The following MAML3 variants were observed in gnomAD, a reference collection of about 807,000 sequenced individuals.
MAML3 encodes mastermind-like protein 3.
Under a neutral mutation model 101.9 loss-of-function variants are expected in MAML3, and 27 were observed. The ratio of observed to expected loss-of-function variants is 0.27; its 90% CI spans 0.20 to 0.37. The LOEUF (loss-of-function observed/expected upper bound fraction) is 0.37, where lower values mean the gene tolerates loss of function less well. Ranked by LOEUF, MAML3 falls within the 10% of genes least tolerant of loss-of-function variation. The pLI is 1.00. For missense variants in MAML3, 1,316 were observed against 1,444.9 expected, an observed-to-expected ratio of 0.91 and a Z score of 1.45; for synonymous variants, 501 against 555.9, an observed-to-expected ratio of 0.90 and a Z score of 1.39.
chr4:139,838,894 T>C (rs1731309133), intron 2 of MAML3, among the ~76,000 whole-genome samples: 1 of 152,224 alleles, frequency 6.6e-6, no homozygotes, highest in Non-Finnish European at 1.5e-5. Flanking sequence ...AATGGTGTTG[T>C]GGTTTGCTTG....
intron 1 of MAML3, among the ~76,000 whole-genome samples, chr4:139,896,947 T>C (rs1732627892): frequency 6.6e-6 from 1 of 152,188 alleles, no homozygotes; most frequent in Non-Finnish European, 1.5e-5. Flanking sequence ...ACCAGGCCTC[T>C]GCTGACACGG....
intron 1 of MAML3, among the ~76,000 whole-genome samples, chr4:140,044,992 A>C (rs1727155948): frequency 6.6e-6 from 1 of 152,248 alleles, no homozygotes; most frequent in Non-Finnish European, 1.5e-5. Context: ...GAAAAATCAA[A>C]GAAAAAAAGC....
At chr4:140,134,391 T>A (rs1179751732) in intron 1 of MAML3, 1 of 456,706 alleles carries the variant, frequency 2.2e-6, no homozygotes, top group Non-Finnish European at 4.4e-6. Context: ...CTGAATCACC[T>A]CCAGGGCACA....
intron 1 of MAML3, among the ~76,000 whole-genome samples, chr4:139,904,276 C>T (rs17051001): frequency 0.31 from 47,528 of 152,040 alleles, 9,017 homozygotes; most frequent in East Asian, 0.57. Context: ...TAATTTGGTT[C>T]GAACATGTCT....
intron 1 of MAML3, among the ~76,000 whole-genome samples, chr4:140,045,712 T>C (rs903702632): frequency 2.6e-5 from 4 of 152,214 alleles, no homozygotes; most frequent in African/African-American, 9.6e-5. Context: ...ACTGATTTCC[T>C]ATGATCCTGA....
At chr4:139,793,470 C>T (rs1401076396) in intron 2 of MAML3, among the ~76,000 whole-genome samples, 1 of 152,136 alleles carries the variant, frequency 6.6e-6, no homozygotes, top group Non-Finnish European at 1.5e-5. Context: ...GACACTCTCT[C>T]CCAAATCTTC....
intron 1 of MAML3, among the ~76,000 whole-genome samples, chr4:139,988,087 T>G (rs35808740): frequency 0.27 from 39,235 of 142,736 alleles, 6,439 homozygotes; most frequent in Non-Finnish European, 0.38. Flanking sequence ...AGCACTTTAG[T>G]AGGCCGAGGC....
rs570452642 is a variant in MAML3 at position 139,730,413 on chromosome 4, T to TA, written c.2331+2dup. On this transcript the variant is annotated splice_region_variant and intron_variant, in intron 3 of 4. Transcript: ENST00000509479. The stretch of plus-strand genomic sequence containing the variant: ...GAATGAATCACGCCAAGGGGCATGT[T>TA]ACCTGTTCCGCCAAAATCTGCTGCT... 1 of 1,541,202 alleles carries TA rather than the reference T, an allele frequency of 6.5e-7. No individual in the cohort carries two copies. Among genetic ancestry groups the TA allele is most frequent in the South Asian group, 1.2e-5 (1 of 83,476 alleles).
intron 2 of MAML3, among the ~76,000 whole-genome samples, chr4:139,806,124 T>C (rs1249224521): frequency 6.6e-6 from 1 of 152,120 alleles, no homozygotes; most frequent in Non-Finnish European, 1.5e-5. Flanking sequence ...TATAAAATAA[T>C]TAGAAGTTAC....
At chr4:139,795,561 T>C (rs997466209) in intron 2 of MAML3, among the ~76,000 whole-genome samples, 2 of 152,226 alleles carry the variant, frequency 1.3e-5, no homozygotes, top group Non-Finnish European at 1.5e-5. Flanking sequence ...TGTTCTTTTA[T>C]GGGAGTGGAA....
At chr4:139,729,156 C>CAAAAAAAAA (rs4057275) in intron 3 of MAML3, among the ~76,000 whole-genome samples, 9 of 81,704 alleles carry the variant, frequency 1.1e-4, no homozygotes, top group Non-Finnish European at 1.6e-4. Flanking sequence ...GGAACAAAAG[C>CAAAAAAAAA]AAAAAAAAAA....
At chr4:139,802,372 C>T (rs1377023489) in intron 2 of MAML3, among the ~76,000 whole-genome samples, 1 of 152,084 alleles carries the variant, frequency 6.6e-6, no homozygotes, top group Non-Finnish European at 1.5e-5. Context: ...GCTTCCTATC[C>T]TTCCTATCCA....
intron 1 of MAML3, among the ~76,000 whole-genome samples, chr4:140,145,864 T>TTTTTTTC (rs1236414284): frequency 8.2e-5 from 5 of 61,014 alleles, no homozygotes; most frequent in African/African-American, 1.6e-4. Flanking sequence ...CGCCTGGCCT[T>TTTTTTTC]TTTTTTCTTT....
intron 2 of MAML3, among the ~76,000 whole-genome samples, chr4:139,871,119 T>C (rs1403959295): frequency 6.6e-6 from 1 of 152,218 alleles, no homozygotes; most frequent in Non-Finnish European, 1.5e-5. Flanking sequence ...TGGTCATTAG[T>C]TCTAGCTATC....
At chr4:139,835,403 G>A (rs1467991092) in intron 2 of MAML3, among the ~76,000 whole-genome samples, 7 of 152,160 alleles carry the variant, frequency 4.6e-5, no homozygotes, top group African/African-American at 7.2e-5. Flanking sequence ...TATTTGAGGC[G>A]TCCCGAGGCT....
intron 1 of MAML3, among the ~76,000 whole-genome samples, chr4:139,901,954 A>AG (rs764434392): frequency 1.3e-5 from 2 of 152,226 alleles, no homozygotes; most frequent in Non-Finnish European, 2.9e-5. Context: ...GTCGTGCACC[A>AG]GCCTAGCAGG....
At chr4:139,730,091 C>A (rs1728641059) in intron 3 of MAML3, among the ~76,000 whole-genome samples, 1 of 152,200 alleles carries the variant, frequency 6.6e-6, no homozygotes, top group Non-Finnish European at 1.5e-5. Context: ...GTGAGACAGT[C>A]CCCGCCATGT....
At chr4:140,018,742 A>G (rs1019572893) in intron 1 of MAML3, among the ~76,000 whole-genome samples, 2 of 152,202 alleles carry the variant, frequency 1.3e-5, no homozygotes, top group African/African-American at 4.8e-5. Context: ...TTTTAAATAA[A>G]TGGGCTTAGT....
chr4:140,067,359 T>C (rs1449786166), intron 1 of MAML3, among the ~76,000 whole-genome samples: 1 of 152,200 alleles, frequency 6.6e-6, no homozygotes, highest in Non-Finnish European at 1.5e-5. Flanking sequence ...GGCCAAGAGT[T>C]TGCAAATCTG....
Sources: gnomAD v4.1 joint callset for allele counts (sites outside exome capture counted in the v4.1 genomes callset) on GRCh38, gnomAD v4.1.1 for gene constraint, MANE v1.5 for transcripts, NCBI Gene and HGNC (gene_info 2026-07-23, HGNC 2026-07-21) for gene names.